Variants in KLHL13 observed in about 807,000 individuals in gnomAD.
The protein encoded by KLHL13 is kelch like family member 13.
Under a neutral mutation model 37.1 loss-of-function variants are expected in KLHL13, and 10 were observed. That is an observed-to-expected ratio of 0.27 (90% CI 0.17 to 0.46). The LOEUF is 0.46. KLHL13 is among the 20% of genes least tolerant of loss of function. KLHL13 has a pLI of 1.00. For missense variants in KLHL13, 360 were observed against 509.3 expected, an observed-to-expected ratio of 0.71 and a Z score of 2.82; for synonymous variants, 163 against 181.2, an observed-to-expected ratio of 0.90 and a Z score of 0.81.
In KLHL13 at chrX:117,964,427, C is replaced by T. The variant is rs746296319; in HGVS notation, c.98+8304G>A. Among the ~76,000 whole-genome samples, 33 of 111,764 alleles carry T rather than the reference C, an allele frequency of 3.0e-4. No individual in the cohort carries two copies. In the South Asian group the frequency reaches 8.4e-3, roughly 28 times the overall value. On this transcript the variant is annotated intron_variant, in intron 1 of 6. Coordinates refer to ENST00000262820, the Ensembl canonical transcript of KLHL13. ...GAGAATAAATTAAGCTATTTAATTGCTTATGAATGAAGATAGTATGGAAGA... is the reference window on the plus strand; with the variant it reads ...GAGAATAAATTAAGCTATTTAATTGTTTATGAATGAAGATAGTATGGAAGA...
Position 117,983,895 on chromosome X carries a change from C to T in KLHL13, c.-55-38320G>A, listed in dbSNP as rs771452254. Among the ~76,000 whole-genome samples, 3 of 111,225 alleles carry T rather than the reference C, an allele frequency of 2.7e-5. No homozygotes were observed. The South Asian group carries it at 1.1e-3, about 42-fold the overall frequency. ...GACACTTTTCCAGTAAATATATACT[C>T]GCCCCTTGGAATAATTTGCCATTTT... On this transcript the variant is annotated intron_variant, in intron 1 of 6. Transcript: ENST00000371882.
intron 2 of KLHL13, among the ~76,000 whole-genome samples, chrX:117,923,642 C>T (rs1245810603): frequency 9.0e-6 from 1 of 111,718 alleles, no homozygotes; most frequent in African/African-American, 3.2e-5. Flanking sequence ...TCCATTCCTA[C>T]TACATATTAC....
chrX:118,061,191 G>C (rs2054737643), intron 1 of KLHL13, among the ~76,000 whole-genome samples: 1 of 111,752 alleles, frequency 8.9e-6, no homozygotes, highest in African/African-American at 3.2e-5. Flanking sequence ...TGTTTTTTAA[G>C]AAATGCAAGC....
intron 4 of KLHL13, 125 bp downstream of exon 5, chrX:117,919,396 C>T (rs1931568119): frequency 1.8e-5 from 10 of 549,114 alleles, no homozygotes; most frequent in Admixed American, 6.3e-5. Flanking sequence ...TGCTTACAGA[C>T]CACATACAAC....
chrX:118,028,586 C>A, intron 1 of KLHL13, 89 bp from the exon 2 acceptor site: 1 of 441,877 alleles, frequency 2.3e-6, no homozygotes, highest in Non-Finnish European at 3.8e-6. Flanking sequence ...TTATACTTTT[C>A]ATGGTTGAAT....
In KLHL13 at chrX:118,026,353, T is replaced by C. The variant is rs190228839; in HGVS notation, c.-55-80778A>G. Among the ~76,000 whole-genome samples the C allele has an allele frequency of 2.7e-5, 3 of 111,921 alleles. No individual in the cohort carries two copies. The Admixed American group carries it at 2.9e-4, about 11-fold the overall frequency. ...GAAAAAAACTATGCATGGATTTCAA[T>C]TTTTTTGCATGAAAATAAACTCATA... On this transcript the variant is annotated intron_variant, in intron 1 of 6. Coordinates refer to the KLHL13 transcript ENST00000371882.
chrX:118,099,997 A>G (rs958294209), intron 1 of KLHL13, among the ~76,000 whole-genome samples: 4 of 111,658 alleles, frequency 3.6e-5, no homozygotes, highest in African/African-American at 1.3e-4. Flanking sequence ...TTTATATAAC[A>G]AATCTTTCTC....
chrX:117,939,854 T>C (rs1932930607), intron 2 of KLHL13, among the ~76,000 whole-genome samples: 2 of 111,969 alleles, frequency 1.8e-5, no homozygotes, highest in South Asian at 3.7e-4. Context: ...CTTTGTATGA[T>C]GGACAGATTG....
At chrX:117,982,197 G>A (rs1436906278) in intron 1 of KLHL13, among the ~76,000 whole-genome samples, 1 of 109,452 alleles carries the variant, frequency 9.1e-6, no homozygotes, top group African/African-American at 3.3e-5. Context: ...CATTGTTACA[G>A]TAAACCCTTA....
intron 1 of KLHL13, among the ~76,000 whole-genome samples, chrX:117,971,444 GACAA>G (rs1199240131): frequency 9.0e-6 from 1 of 110,543 alleles, no homozygotes; most frequent in African/African-American, 3.3e-5. Flanking sequence ...TTGTGCTTTT[GACAA>G]ACAGTTTTTG....
intron 1 of KLHL13, among the ~76,000 whole-genome samples, chrX:118,022,773 C>A (rs760048089): frequency 1.8e-5 from 2 of 111,960 alleles, no homozygotes; most frequent in African/African-American, 6.5e-5. Context: ...TATTTCCTCC[C>A]AATATGTAGG....
At chrX:117,938,598 C>A (rs1332708141) in intron 2 of KLHL13, among the ~76,000 whole-genome samples, 18 of 111,657 alleles carry the variant, frequency 1.6e-4, no homozygotes, top group African/African-American at 5.5e-4. Flanking sequence ...CACTGCACTA[C>A]AGTGGCAATC....
At chrX:117,980,284 G>A (rs1458907445) in intron 1 of KLHL13, among the ~76,000 whole-genome samples, 1 of 111,571 alleles carries the variant, frequency 9.0e-6, no homozygotes, top group Non-Finnish European at 1.9e-5. Context: ...AGACATGCCA[G>A]TTACAGAAAT....
At chrX:118,022,318 A>G (rs1020103046) in intron 1 of KLHL13, among the ~76,000 whole-genome samples, 1 of 111,931 alleles carries the variant, frequency 8.9e-6, no homozygotes, top group Non-Finnish European at 1.9e-5. Flanking sequence ...AGATATCTCG[A>G]GGAAGTGCTA....
At chrX:118,099,518 A>G (rs189553501) in intron 1 of KLHL13, among the ~76,000 whole-genome samples, 1 of 111,795 alleles carries the variant, frequency 8.9e-6, no homozygotes, top group African/African-American at 3.2e-5. Context: ...GCTATTAAAT[A>G]AATGCACTCG....
At chrX:117,930,968 T>C (rs1569418833) in intron 2 of KLHL13, among the ~76,000 whole-genome samples, 1 of 112,036 alleles carries the variant, frequency 8.9e-6, no homozygotes, top group East Asian at 2.8e-4. Context: ...TATTTTATGA[T>C]CATAATGTTG....
chrX:118,053,452 G>GAC (rs1373604365), intron 1 of KLHL13, among the ~76,000 whole-genome samples: 1 of 110,674 alleles, frequency 9.0e-6, no homozygotes, highest in Non-Finnish European at 1.9e-5. Context: ...AGAACACATG[G>GAC]ACACAGGAAG....
At position 117,941,251 on chromosome X, in the gene KLHL13, C is replaced by G. The variant is rs183617010; in HGVS notation, c.240+4183G>C. Among the ~76,000 whole-genome samples, 257 of 109,758 alleles carry G rather than the reference C, an allele frequency of 2.3e-3. 1 individual carries two copies. Among genetic ancestry groups the G allele is most frequent in the African/African-American group, 8.0e-3 (244 of 30,486 alleles). On this transcript the variant is annotated intron_variant, in intron 2 of 6. Transcript: ENST00000262820. ...GTTTATGTGATGGATTACATTTTAT[C>G]GAGGATTTTTGCATCTATGTTGATC... is the stretch of plus-strand genomic sequence containing the variant.
chrX:117,923,320 C>T (rs1036795782), intron 2 of KLHL13, among the ~76,000 whole-genome samples: 5 of 111,656 alleles, frequency 4.5e-5, no homozygotes, highest in African/African-American at 1.3e-4. Context: ...AGTAACATAC[C>T]TTGGGCATTG....
Sources: allele counts gnomAD v4.1 joint callset (sites outside exome capture counted in the v4.1 genomes callset), GRCh38; gene constraint gnomAD v4.1.1; transcripts MANE v1.5; gene names NCBI Gene and HGNC (gene_info 2026-07-23, HGNC 2026-07-21).